STPG4: variants seen among roughly 807,000 people sequenced by gnomAD.
STPG4 encodes sperm-tail PG-rich repeat containing 4, also known as protein STPG4.
In STPG4, 41 loss-of-function variants were observed where a neutral mutation model predicts 31.5. The ratio of observed to expected loss-of-function variants is 1.30; its 90% CI spans 1.01 to 1.69. The LOEUF (loss-of-function observed/expected upper bound fraction) is 1.69. Ranked by LOEUF, STPG4 falls within the 40% of genes most tolerant of loss-of-function variation. The pLI is 0.00. For synonymous variants in STPG4, 141 were observed against 103.0 expected, an observed-to-expected ratio of 1.37 and a Z score of -2.24; for missense variants, 375 against 293.4, an observed-to-expected ratio of 1.28 and a Z score of -2.03.
At chr2:47,091,543 G>A (rs1461609705) in intron 5 of STPG4, among the ~76,000 whole-genome samples, 1 of 152,052 alleles carries the variant, frequency 6.6e-6, no homozygotes, top group Non-Finnish European at 1.5e-5. Context: ...CCTCAGGAGT[G>A]GGACAGGGCA....
intron 5 of STPG4, among the ~76,000 whole-genome samples, chr2:47,091,121 A>C (rs1685561167): frequency 8.1e-6 from 1 of 123,572 alleles, no homozygotes; most frequent in Non-Finnish European, 1.6e-5. Flanking sequence ...GAAGAAAGGG[A>C]GGGAGAAAAG....
intron 3 of STPG4, among the ~76,000 whole-genome samples, chr2:47,142,160 T>G (rs1325214639): frequency 1.3e-5 from 2 of 151,988 alleles, no homozygotes; most frequent in African/African-American, 4.8e-5. Flanking sequence ...GCCAGATTTT[T>G]CAACCTCTCT....
chr2:47,118,398 A>G lies in STPG4; in HGVS notation c.519+11543T>C, dbSNP rs1686195007. ...GATGGGACTGTCTAGTTGCAGGAAA[A>G]CAAGCTCAGGGCTCCCTCTGATTCT... is the stretch of plus-strand genomic sequence containing the variant. On this transcript the variant is annotated intron_variant, in intron 5 of 6. Coordinates refer to ENST00000445927, the MANE Select transcript of STPG4 (RefSeq NM_001163561.2). Among the ~76,000 whole-genome samples, 2 of 152,194 alleles carry G rather than the reference A, an allele frequency of 1.3e-5. 1 individual carries two copies. The highest frequency in any genetic ancestry group is 1.3e-4 in the Admixed American group (2 of 15,282).
At chr2:47,133,671 G>A (rs1459396433) in intron 3 of STPG4, among the ~76,000 whole-genome samples, 2 of 127,778 alleles carry the variant, frequency 1.6e-5, no homozygotes, top group African/African-American at 5.7e-5. Context: ...TCTGCCTCCC[G>A]GGTTCAAGTG....
intron 5 of STPG4, among the ~76,000 whole-genome samples, chr2:47,113,060 G>A (rs1448676800): frequency 6.6e-6 from 1 of 151,420 alleles, no homozygotes; most frequent in African/African-American, 2.4e-5. Context: ...GTCTCTGGAG[G>A]GAATTTTTTA....
chr2:47,110,082 T>A (rs1379114900), intron 5 of STPG4, among the ~76,000 whole-genome samples: 1 of 151,872 alleles, frequency 6.6e-6, no homozygotes, highest in African/African-American at 2.4e-5. Context: ...AGGAAAGATG[T>A]GTGTGTCTCA....
chr2:47,092,905 G>C (rs1482980440), intron 5 of STPG4, among the ~76,000 whole-genome samples: 1 of 151,906 alleles, frequency 6.6e-6, no homozygotes, highest in Non-Finnish European at 1.5e-5. Flanking sequence ...CGATTCTTCT[G>C]CATCAGCCTC....
chr2:47,093,343 T>C (rs1685608519), intron 5 of STPG4, among the ~76,000 whole-genome samples: 1 of 152,214 alleles, frequency 6.6e-6, no homozygotes, highest in South Asian at 2.1e-4. Context: ...GCTCTCTGTG[T>C]GGTGTGAATT....
At chr2:47,148,776 T>C (rs1004007255) in intron 3 of STPG4, among the ~76,000 whole-genome samples, 21 of 152,050 alleles carry the variant, frequency 1.4e-4, no homozygotes, top group African/African-American at 4.8e-4. Context: ...TGAGAACATG[T>C]GGTGTTTGGT....
intron 3 of STPG4, among the ~76,000 whole-genome samples, chr2:47,149,523 A>G (rs1686896336): frequency 6.6e-6 from 1 of 152,358 alleles, no homozygotes; most frequent in Non-Finnish European, 1.5e-5. Context: ...CAAACAGGAT[A>G]AGATATACCT....
chr2:47,143,589 C>T (rs1686760344), intron 3 of STPG4, among the ~76,000 whole-genome samples: 1 of 151,560 alleles, frequency 6.6e-6, no homozygotes, highest in South Asian at 2.1e-4. Context: ...GGGTTCACGC[C>T]ATTCTCCTGC....
chr2:47,148,715 G>A (rs1449581491), intron 3 of STPG4, among the ~76,000 whole-genome samples: 1 of 152,038 alleles, frequency 6.6e-6, no homozygotes, highest in Non-Finnish European at 1.5e-5. Context: ...TGTGTGTGAT[G>A]TTCCCCTTCC....
At chr2:47,099,791 G>A (rs987569347) in intron 5 of STPG4, among the ~76,000 whole-genome samples, 4 of 152,266 alleles carry the variant, frequency 2.6e-5, no homozygotes, top group Admixed American at 1.3e-4. Context: ...CTGGAGTTCC[G>A]GGTGGGCATG....
At chr2:47,152,666 G>T (rs1290174395) in intron 2 of STPG4, among the ~76,000 whole-genome samples, 1 of 151,756 alleles carries the variant, frequency 6.6e-6, no homozygotes, top group Non-Finnish European at 1.5e-5. Context: ...TTTTTGTTTT[G>T]CAATCTCACC....
intron 3 of STPG4, among the ~76,000 whole-genome samples, chr2:47,138,742 G>A (rs1686647725): frequency 6.6e-6 from 1 of 152,198 alleles, no homozygotes; most frequent in Admixed American, 6.5e-5. Flanking sequence ...TAGAGACGGG[G>A]TTTCACCATG....
chr2:47,140,505 G>A (rs1164693221), intron 3 of STPG4, among the ~76,000 whole-genome samples: 1 of 152,126 alleles, frequency 6.6e-6, no homozygotes, highest in Non-Finnish European at 1.5e-5. Context: ...TAGTTCAGGT[G>A]TTCCTACCCC....
rs1395015891 is a variant in STPG4 at position 47,151,439 on chromosome 2, T to A, written c.218A>T (p.Tyr73Phe). Residue 73 changes from tyrosine (Y) to phenylalanine (F), a missense_variant, in exon 3 of 7, where the codon TAC becomes TTC. Physicochemically the swap from Tyr to Phe is conservative, Grantham distance 22 (BLOSUM62 3). Transcript: ENST00000445927. ...TTTCCTTCCTTCGTTTTTAAAATTG[T>A]AGGTTGCTATCACTGGATTTAATAG... ...ESLLNPVIAT[Y>F]NFKNEGRKKP... 1.2e-6 allele frequency: 2 copies of A among 1,614,050 alleles called. No homozygotes were observed. Among genetic ancestry groups the A allele is most frequent in the Non-Finnish European group, 1.7e-6 (2 of 1,179,976 alleles).
chr2:47,096,009 C>T (rs1285780609), intron 5 of STPG4, among the ~76,000 whole-genome samples: 1 of 152,100 alleles, frequency 6.6e-6, no homozygotes, highest in Admixed American at 6.5e-5. Flanking sequence ...GTAGAGTTAC[C>T]ACAAAAGCCC....
intron 3 of STPG4, among the ~76,000 whole-genome samples, chr2:47,133,281 C>G (rs556321994): frequency 6.6e-6 from 1 of 152,090 alleles, no homozygotes; most frequent in East Asian, 1.9e-4. Flanking sequence ...ATCCTCCTGC[C>G]TCAGCCTTCT....
Sources: allele counts gnomAD v4.1 joint callset (sites outside exome capture counted in the v4.1 genomes callset), GRCh38; gene constraint gnomAD v4.1.1; transcripts MANE v1.5; gene names NCBI Gene and HGNC (gene_info 2026-07-23, HGNC 2026-07-21).